Variants in CUX1 observed in about 807,000 individuals in gnomAD.
CUX1 encodes cut like homeobox 1.
In CUX1, 31 loss-of-function variants were observed where a neutral mutation model predicts 158.8. That is an observed-to-expected ratio of 0.20 (90% CI 0.15 to 0.26). The LOEUF (loss-of-function observed/expected upper bound fraction) is 0.26. Ranked by LOEUF, CUX1 falls within the 10% of genes least tolerant of loss-of-function variation. CUX1 has a pLI of 1.00. For missense variants in CUX1, 1,589 were observed against 2,014.6 expected (o/e 0.79, Z 4.04); for synonymous variants, 879 against 862.1 (o/e 1.02, Z -0.34).
At chr7:102,052,455 C>T (rs1823632407) in intron 3 of CUX1, among the ~76,000 whole-genome samples, 1 of 152,162 alleles carries the variant, frequency 6.6e-6, no homozygotes, top group African/African-American at 2.4e-5. Flanking sequence ...GTAGCATATA[C>T]CAGTACTTGC....
chr7:102,102,977 C>A (rs894298962), intron 5 of CUX1, among the ~76,000 whole-genome samples: 4 of 152,176 alleles, frequency 2.6e-5, no homozygotes, highest in African/African-American at 9.7e-5. Context: ...CCAGAGCCAC[C>A]CACAGGTCTG....
chr7:102,179,614 C>T (rs1457986502), intron 11 of CUX1, among the ~76,000 whole-genome samples: 1 of 152,200 alleles, frequency 6.6e-6, no homozygotes, highest in Non-Finnish European at 1.5e-5. Flanking sequence ...ACGCAGAACC[C>T]AGAGCTTTTT....
chr7:102,037,340 C>T (rs1194475362), intron 3 of CUX1, among the ~76,000 whole-genome samples: 1 of 150,388 alleles, frequency 6.6e-6, no homozygotes, highest in East Asian at 1.9e-4. Flanking sequence ...GGTAGAATTT[C>T]TTTCTTTTCT....
chr7:101,843,832 T>C (rs1244803583), intron 1 of CUX1, among the ~76,000 whole-genome samples: 1 of 152,246 alleles, frequency 6.6e-6, no homozygotes, highest in East Asian at 1.9e-4. Flanking sequence ...TCAGTATTAA[T>C]GTTCTCTCCT....
At chr7:102,208,949 T>A (rs1554522398) in intron 20 of CUX1, among the ~76,000 whole-genome samples, 1 of 152,192 alleles carries the variant, frequency 6.6e-6, no homozygotes, top group African/African-American at 2.4e-5. Flanking sequence ...CCTTCCCAGG[T>A]AGGCAGGGAC....
chr7:102,030,293 T>C (rs947912904), intron 3 of CUX1, among the ~76,000 whole-genome samples: 1 of 152,146 alleles, frequency 6.6e-6, no homozygotes, highest in African/African-American at 2.4e-5. Context: ...ATTACAGGCG[T>C]GAGCCACTGC....
chr7:102,191,037 T>C (rs1227942952), intron 12 of CUX1, among the ~76,000 whole-genome samples: 4 of 152,178 alleles, frequency 2.6e-5, no homozygotes, highest in Non-Finnish European at 4.4e-5. Context: ...CTCACTTCCA[T>C]GACCAGCTGC....
chr7:102,130,729 G>A (rs1166008235), intron 8 of CUX1, among the ~76,000 whole-genome samples: 10 of 152,136 alleles, frequency 6.6e-5, no homozygotes, highest in Non-Finnish European at 1.0e-4. Flanking sequence ...CAAATAGCCT[G>A]AAGCACAAAA....
intron 1 of CUX1, among the ~76,000 whole-genome samples, chr7:101,864,377 G>A (rs1337443111): frequency 1.3e-5 from 2 of 151,894 alleles, no homozygotes; most frequent in African/African-American, 4.8e-5. Flanking sequence ...GCCCAGGTTG[G>A]TCTTGAACTC....
intron 2 of CUX1, among the ~76,000 whole-genome samples, chr7:101,962,103 A>G (rs1810571096): frequency 6.6e-6 from 1 of 152,232 alleles, no homozygotes; most frequent in South Asian, 2.1e-4. Flanking sequence ...CTCTGCCATG[A>G]CATATTCCTT....
At chr7:102,143,365 C>T (rs1554500997) in intron 8 of CUX1, among the ~76,000 whole-genome samples, 1 of 152,126 alleles carries the variant, frequency 6.6e-6, no homozygotes, top group African/African-American at 2.4e-5. Context: ...AACTCCTGGG[C>T]TCAAACGATC....
intron 8 of CUX1, among the ~76,000 whole-genome samples, chr7:102,139,330 C>T (rs1425936243): frequency 6.6e-6 from 1 of 151,888 alleles, no homozygotes; most frequent in Admixed American, 6.6e-5. Context: ...AGTGCCCTAC[C>T]CTGGCATTTG....
intron 2 of CUX1, among the ~76,000 whole-genome samples, chr7:101,968,613 GAATTTTCCCACGTTGGCCA>G (rs1811535557): frequency 1.3e-5 from 2 of 151,962 alleles, no homozygotes; most frequent in Admixed American, 1.3e-4. Flanking sequence ...AGTAGAGACA[GAATTTTCCCACGTTGGCCA>G]GGCTGGTCTC....
At chr7:101,990,808 G>A (rs1210608099) in intron 2 of CUX1, among the ~76,000 whole-genome samples, 3 of 152,282 alleles carry the variant, frequency 2.0e-5, no homozygotes, top group African/African-American at 4.8e-5. Flanking sequence ...ATCCCCTTCC[G>A]TGGTCAGGGA....
In CUX1 at chr7:102,251,702, G is replaced by A. The variant is rs1554540175; in HGVS notation, c.*2660G>A. The A allele has an allele frequency of 1.0e-6, 1 of 985,270 alleles. No individual in the cohort carries two copies. The highest frequency in any genetic ancestry group is 1.2e-6 in the Non-Finnish European group (1 of 829,918). 61.0% of individuals were successfully genotyped at this position (985,270 alleles called of 1,614,324 possible). ...AGTGAGTGGCAGAGCCCTGACGACT[G>A]TGGTGTCCTCTCCACAAAACCCTCA... On this transcript the variant is annotated 3_prime_UTR_variant, in exon 24 of 24. Coordinates refer to ENST00000292535, the MANE Select transcript of CUX1 (RefSeq NM_181552.4).
chr7:101,952,902 C>T (rs1472597256), intron 2 of CUX1, among the ~76,000 whole-genome samples: 1 of 152,210 alleles, frequency 6.6e-6, no homozygotes, highest in South Asian at 2.1e-4. Flanking sequence ...GTCTGCCTTT[C>T]CCAGGAGGAC....
chr7:102,030,500 A>G (rs1820619116), intron 3 of CUX1, among the ~76,000 whole-genome samples: 1 of 151,864 alleles, frequency 6.6e-6, no homozygotes, highest in African/African-American at 2.4e-5. Context: ...CTACATTACC[A>G]CAATAACCAC....
chr7:101,864,905 C>G (rs1332898893), intron 1 of CUX1, among the ~76,000 whole-genome samples: 1 of 152,106 alleles, frequency 6.6e-6, no homozygotes, highest in Non-Finnish European at 1.5e-5. Context: ...ACTGGGGGTG[C>G]TTCATGATAT....
At chr7:102,269,103 T>C (rs186108746) in intron 14 of CUX1, among the ~76,000 whole-genome samples, 231 of 136,456 alleles carry the variant, frequency 1.7e-3, no homozygotes, top group Non-Finnish European at 2.5e-3. Context: ...CCCAGCTAAT[T>C]TTTTGTGTGG....
Sources: gnomAD v4.1 joint callset for allele counts (sites outside exome capture counted in the v4.1 genomes callset) on GRCh38, gnomAD v4.1.1 for gene constraint, MANE v1.5 for transcripts, NCBI Gene and HGNC (gene_info 2026-07-23, HGNC 2026-07-21) for gene names.